Variants in PPP1R9A observed in about 807,000 individuals in gnomAD.
The protein encoded by PPP1R9A is neurabin-1.
In PPP1R9A, 59 loss-of-function variants were observed where a neutral mutation model predicts 141.9. The ratio of observed to expected loss-of-function variants is 0.42; its 90% CI spans 0.34 to 0.52. The LOEUF (loss-of-function observed/expected upper bound fraction) is 0.52, where lower values mean the gene tolerates loss of function less well. Among genes scored for constraint, PPP1R9A ranks in the 20% least tolerant of loss-of-function variants. The pLI is 0.10. For synonymous variants in PPP1R9A, 500 were observed against 569.7 expected (o/e 0.88, Z 1.74); for missense variants, 1,444 against 1,611.9 (o/e 0.90, Z 1.78).
chr7:94,990,849 G>T (rs530477167), intron 2 of PPP1R9A, among the ~76,000 whole-genome samples: 2 of 152,138 alleles, frequency 1.3e-5, no homozygotes, highest in East Asian at 1.9e-4. Context: ...ATGTCCGCCA[G>T]TTCCATCCTT....
At chr7:94,962,251 G>A (rs1372256517) in intron 2 of PPP1R9A, among the ~76,000 whole-genome samples, 2 of 151,940 alleles carry the variant, frequency 1.3e-5, no homozygotes, top group African/African-American at 4.8e-5. Flanking sequence ...AAAATGTGCT[G>A]CTGCTGAGAT....
In PPP1R9A at chr7:95,269,408, G is replaced by A. The variant is rs1801809692; in HGVS notation, c.3025G>A (p.Gly1009Arg). 1.9e-6 allele frequency: 3 copies of A among 1,595,744 alleles called. No homozygotes were observed. Among genetic ancestry groups the A allele is most frequent in the Non-Finnish European group, 2.5e-6 (3 of 1,176,874 alleles). ...PEMGPLSSMWGDTSLFSTSKS... is the reference protein window; with the variant it reads ...PEMGPLSSMWRDTSLFSTSKS... ...AATGGGGCCTCTCTCCTCTATGTGG[G>A]GAGACACTTCACTGTTTTCTACTTC... The change falls in exon 14 of 20, where the codon GGA (glycine) becomes AGA (arginine). Residue 1009 changes from glycine to arginine, a missense_variant. Physicochemically the swap from Gly to Arg is moderately radical, Grantham distance 125. Coordinates refer to ENST00000433360, the MANE Select transcript of PPP1R9A (RefSeq NM_001166160.2).
intron 2 of PPP1R9A, among the ~76,000 whole-genome samples, chr7:95,061,930 T>C (rs933356420): frequency 6.6e-6 from 1 of 152,172 alleles, no homozygotes; most frequent in African/African-American, 2.4e-5. Flanking sequence ...GCTGAAAATA[T>C]CTTAGTGACT....
chr7:95,122,018 T>C lies in PPP1R9A; in HGVS notation c.1649+1186T>C, dbSNP rs540405081. On this transcript the variant is annotated intron_variant, in intron 4 of 19. Transcript: ENST00000433360. ...TAAATTCAAAGAATTATTATGTTGT[T>C]TTATGTACATTTAATGAATAGCTTT... Among the ~76,000 whole-genome samples, 126 of 152,310 alleles carry C rather than the reference T, an allele frequency of 8.3e-4. 1 individual carries two copies. Among genetic ancestry groups the C allele is most frequent in the Middle Eastern group, 3.4e-3 (1 of 294 alleles).
intron 6 of PPP1R9A, among the ~76,000 whole-genome samples, chr7:95,200,414 A>G (rs1534368): frequency 0.72 from 108,358 of 150,832 alleles, 40,273 homozygotes; most frequent in East Asian, 0.97. Flanking sequence ...TGGGGCAACA[A>G]GCACACAGAA....
chr7:95,252,222 G>T, intron 12 of PPP1R9A, 92 bp downstream of exon 12: 1 of 1,332,680 alleles, frequency 7.5e-7, no homozygotes. Flanking sequence ...TTAAAAGTTG[G>T]AAATACCTTC....
chr7:95,095,954 GA>G (rs1409333088), intron 2 of PPP1R9A, among the ~76,000 whole-genome samples: 3 of 152,086 alleles, frequency 2.0e-5, no homozygotes, highest in Non-Finnish European at 2.9e-5. Flanking sequence ...GACCTTTACA[GA>G]AATTAAAATT....
chr7:95,213,629 A>G (rs1792622829), intron 7 of PPP1R9A, among the ~76,000 whole-genome samples: 1 of 151,958 alleles, frequency 6.6e-6, no homozygotes, highest in Non-Finnish European at 1.5e-5. Context: ...CAGCCTGGTT[A>G]TACATTCTGC....
intron 2 of PPP1R9A, among the ~76,000 whole-genome samples, chr7:95,092,346 C>CTTTT (rs113520728): frequency 7.2e-6 from 1 of 139,686 alleles, no homozygotes; most frequent in African/African-American, 2.6e-5. Flanking sequence ...ATACTACACG[C>CTTTT]TTTTTTTTTT....
intron 2 of PPP1R9A, among the ~76,000 whole-genome samples, chr7:94,935,388 G>C (rs1455322645): frequency 6.6e-6 from 1 of 152,148 alleles, no homozygotes; most frequent in African/African-American, 2.4e-5. Flanking sequence ...ATATTAGGGA[G>C]CATTGTGAAA....
Position 95,269,367 on chromosome 7 carries a change from A to C in PPP1R9A, c.2984A>C (p.Glu995Ala). Residue 995 changes from glutamate to alanine, a missense_variant, in exon 14 of 20, where the codon GAA (glutamate) becomes GCA (alanine). Coordinates refer to ENST00000433360, the MANE Select transcript of PPP1R9A (RefSeq NM_001166160.2). ...GACCACATAGCTGAATTTCAAGAAG[A>C]ACCACTGGACCCAGAAATGGGGCCT... ...SSDHIAEFQE[E>A]PLDPEMGPLS... is the part of the protein sequence containing the mutation. 6.3e-7 allele frequency: 1 copy of C among 1,598,568 alleles called. No homozygotes were observed. Among genetic ancestry groups the C allele is most frequent in the African/African-American group, 1.3e-5 (1 of 74,936 alleles).
intron 5 of PPP1R9A, among the ~76,000 whole-genome samples, chr7:95,178,329 A>G (rs1833200846): frequency 6.6e-6 from 1 of 152,132 alleles, no homozygotes; most frequent in Admixed American, 6.6e-5. Context: ...AAATTCTTCA[A>G]ACTGAATGAC....
chr7:95,080,622 G>C (rs921961030), intron 2 of PPP1R9A, among the ~76,000 whole-genome samples: 1 of 152,090 alleles, frequency 6.6e-6, no homozygotes, highest in African/African-American at 2.4e-5. Flanking sequence ...AAAAGAGCCC[G>C]CATCGCCAAG....
rs1412360991 is a variant in PPP1R9A, at chr7:94,911,234, C to A, written c.1121C>A (p.Ala374Asp). Reference sequence around the variant, plus strand: ...GGTGGTGATTTCACCTCTCCTGATGCTTCTGCATCCAGTTGTGGAAAAGAA... The same window carrying A: ...GGTGGTGATTTCACCTCTCCTGATGATTCTGCATCCAGTTGTGGAAAAGAA... ...LAGGDFTSPD[A>D]SASSCGKEVP... The change falls in exon 2 of 20, where the codon GCT becomes GAT. Residue 374 changes from alanine (A) to aspartate (D), a missense_variant. By Grantham distance (126) the Ala-to-Asp change is moderately radical (BLOSUM62 -2). Coordinates refer to ENST00000433360, the MANE Select transcript of PPP1R9A (RefSeq NM_001166160.2). The A allele has an allele frequency of 2.5e-6, 4 of 1,614,204 alleles. No homozygotes were observed. The highest frequency in any genetic ancestry group is 3.4e-6 in the Non-Finnish European group (4 of 1,180,026).
At chr7:95,144,646 G>A (rs1294486962) in intron 4 of PPP1R9A, among the ~76,000 whole-genome samples, 1 of 152,116 alleles carries the variant, frequency 6.6e-6, no homozygotes, top group East Asian at 1.9e-4. Context: ...TACTAACGGT[G>A]AAAAATTGAA....
chr7:95,137,736 T>C (rs1825923560), intron 4 of PPP1R9A, among the ~76,000 whole-genome samples: 1 of 152,086 alleles, frequency 6.6e-6, no homozygotes, highest in Admixed American at 6.5e-5. Flanking sequence ...CTAAAATGCA[T>C]ATGGAAATGC....
chr7:95,239,909 TA>T (rs1797209223), intron 8 of PPP1R9A, among the ~76,000 whole-genome samples: 1 of 152,044 alleles, frequency 6.6e-6, no homozygotes, highest in Non-Finnish European at 1.5e-5. Flanking sequence ...GCGAGATTAT[TA>T]AAATATAATT....
intron 5 of PPP1R9A, among the ~76,000 whole-genome samples, chr7:95,178,353 C>T (rs1304575454): frequency 6.6e-6 from 1 of 152,044 alleles, no homozygotes; most frequent in African/African-American, 2.4e-5. Flanking sequence ...AGTGACACAA[C>T]TTATCAAAAC....
chr7:95,013,234 G>T (rs1399437721), intron 2 of PPP1R9A, among the ~76,000 whole-genome samples: 1 of 152,062 alleles, frequency 6.6e-6, no homozygotes, highest in Non-Finnish European at 1.5e-5. Flanking sequence ...GTTTACCGAT[G>T]GGGCAGTCTC....
Sources: gnomAD v4.1 joint callset for allele counts (sites outside exome capture counted in the v4.1 genomes callset) on GRCh38, gnomAD v4.1.1 for gene constraint, MANE v1.5 for transcripts, NCBI Gene and HGNC (gene_info 2026-07-23, HGNC 2026-07-21) for gene names.